Variants in AFF3 observed in about 807,000 individuals in gnomAD.
AFF3 encodes the protein AF4/FMR2 family member 3.
Under a neutral mutation model 129.7 loss-of-function variants are expected in AFF3, and 32 were observed. That is an observed-to-expected ratio of 0.25 (90% CI 0.19 to 0.33). AFF3 has a LOEUF of 0.33. Among genes scored for constraint, AFF3 ranks in the 10% least tolerant of loss-of-function variants. The pLI, the probability that AFF3 is intolerant of heterozygous loss-of-function variation, is 1.00. For missense variants in AFF3, 1,373 were observed against 1,592.0 expected (o/e 0.86, Z 2.34); for synonymous variants, 644 against 635.4 (o/e 1.01, Z -0.20).
chr2:99,767,110 C>T (rs1046941119), intron 8 of AFF3, among the ~76,000 whole-genome samples: 1 of 152,226 alleles, frequency 6.6e-6, no homozygotes, highest in African/African-American at 2.4e-5. Flanking sequence ...CACCTGTACA[C>T]TCAGGCATGC....
chr2:100,125,736 C>A (rs1692156512), intron 2 of AFF3, among the ~76,000 whole-genome samples: 1 of 152,094 alleles, frequency 6.6e-6, no homozygotes, highest in African/African-American at 2.4e-5. Context: ...GAGGAGGAGC[C>A]AGCCAAGGAA....
intron 7 of AFF3, among the ~76,000 whole-genome samples, chr2:99,860,816 G>A (rs1463029786): frequency 6.6e-6 from 1 of 152,214 alleles, no homozygotes; most frequent in East Asian, 1.9e-4. Flanking sequence ...TATATATTGT[G>A]TAAAGATGAT....
chr2:100,074,177 G>T (rs1459025730), intron 4 of AFF3, among the ~76,000 whole-genome samples: 1 of 152,176 alleles, frequency 6.6e-6, no homozygotes, highest in Non-Finnish European at 1.5e-5. Context: ...CCGATCTAAC[G>T]GAGCTCAATG....
At chr2:99,679,953 A>G (rs10205134) in intron 11 of AFF3, among the ~76,000 whole-genome samples, 90,756 of 152,098 alleles carry the variant, frequency 0.6, 27,993 homozygotes, top group African/African-American at 0.76. Context: ...TGCTAGAGAT[A>G]TAAAACTGGA....
At chr2:99,855,453 C>T (rs1558918539) in intron 7 of AFF3, among the ~76,000 whole-genome samples, 1 of 152,120 alleles carries the variant, frequency 6.6e-6, no homozygotes, top group South Asian at 2.1e-4. Context: ...AAGACAATCA[C>T]CTCAATAAAA....
intron 20 of AFF3, among the ~76,000 whole-genome samples, chr2:99,563,447 C>T (rs573919099): frequency 2.3e-3 from 344 of 151,634 alleles, no homozygotes; most frequent in Non-Finnish European, 3.8e-3. Flanking sequence ...GCCTCAGCCT[C>T]CCAAAGTGCT....
intron 7 of AFF3, among the ~76,000 whole-genome samples, chr2:99,845,345 C>T (rs888095753): frequency 6.6e-6 from 1 of 152,148 alleles, no homozygotes; most frequent in Non-Finnish European, 1.5e-5. Context: ...CGATCTGAAT[C>T]AGAGCCTATA....
chr2:99,983,880 C>T (rs1383622965), intron 7 of AFF3, among the ~76,000 whole-genome samples: 1 of 151,622 alleles, frequency 6.6e-6, no homozygotes, highest in African/African-American at 2.4e-5. Flanking sequence ...ATGTAAATAA[C>T]ATTAGTTTTA....
intron 10 of AFF3, among the ~76,000 whole-genome samples, chr2:99,737,868 A>C (rs547743803): frequency 4.9e-4 from 75 of 151,984 alleles, no homozygotes; most frequent in African/African-American, 1.6e-3. Context: ...CATTCTAGAT[A>C]ATTTCTTAAA....
chr2:99,794,665 T>C (rs1198711814), intron 8 of AFF3, among the ~76,000 whole-genome samples: 1 of 152,192 alleles, frequency 6.6e-6, no homozygotes, highest in East Asian at 1.9e-4. Context: ...GTATTCTGTC[T>C]TGCAAACTCC....
intron 7 of AFF3, among the ~76,000 whole-genome samples, chr2:99,868,672 C>T (rs1427749939): frequency 6.6e-6 from 1 of 151,992 alleles, no homozygotes; most frequent in Non-Finnish European, 1.5e-5. Context: ...ATCCTCTGAA[C>T]AATATCAAAG....
At chr2:99,765,400 C>T (rs966426368) in intron 8 of AFF3, among the ~76,000 whole-genome samples, 6 of 152,196 alleles carry the variant, frequency 3.9e-5, no homozygotes, top group African/African-American at 1.4e-4. Flanking sequence ...AATAAAACCC[C>T]TGTCGCAATT....
intron 8 of AFF3, among the ~76,000 whole-genome samples, chr2:99,809,033 G>A (rs1193886497): frequency 3.3e-5 from 5 of 152,230 alleles, no homozygotes; most frequent in Non-Finnish European, 7.3e-5. Context: ...CAATGGATAT[G>A]AATCAAAGCA....
chr2:99,756,604 C>T (rs1682120010), intron 8 of AFF3, among the ~76,000 whole-genome samples: 2 of 152,186 alleles, frequency 1.3e-5, no homozygotes, highest in South Asian at 4.1e-4. Context: ...ATTGGTTTAA[C>T]ATCAATCTTT....
chr2:99,554,513 G>A lies in AFF3; in HGVS notation c.3357C>T (p.Pro1119=). Residue 1119 remains proline (P), a synonymous_variant, in exon 24 of 25, where the codon CCC becomes CCT. Transcript: ENST00000672756. ...ASGKSTGTPS[P]MSPNPSPASS... Reference sequence around the variant, plus strand: ...TGGCGGGAGAGGGGTTGGGAGACATGGGGGATGGGGTTCCAGTGCTCCTGG... The same window carrying A: ...TGGCGGGAGAGGGGTTGGGAGACATAGGGGATGGGGTTCCAGTGCTCCTGG... 1 of 1,613,384 alleles carries A rather than the reference G, an allele frequency of 6.2e-7. No homozygotes were observed. The highest frequency in any genetic ancestry group is 1.1e-5 in the South Asian group (1 of 91,054).
At chr2:99,767,354 G>C (rs1178442332) in intron 8 of AFF3, among the ~76,000 whole-genome samples, 1 of 152,236 alleles carries the variant, frequency 6.6e-6, no homozygotes, top group Non-Finnish European at 1.5e-5. Context: ...GAAGGGCATG[G>C]ATTCTGTGTC....
intron 16 of AFF3, among the ~76,000 whole-genome samples, chr2:99,584,430 C>G (rs1487999742): frequency 6.6e-6 from 1 of 152,144 alleles, no homozygotes; most frequent in African/African-American, 2.4e-5. Context: ...GATTGCGCCA[C>G]TGCACTCCAG....
intron 13 of AFF3, among the ~76,000 whole-genome samples, chr2:99,640,944 C>T (rs1413094567): frequency 2.0e-5 from 3 of 152,128 alleles, no homozygotes; most frequent in Non-Finnish European, 4.4e-5. Flanking sequence ...ACTGCGTAAC[C>T]GAAGATCCCT....
At chr2:99,764,538 TAAA>T in intron 8 of AFF3, among the ~76,000 whole-genome samples, 1 of 152,330 alleles carries the variant, frequency 6.6e-6, no homozygotes, top group Non-Finnish European at 1.5e-5. Context: ...TTTTGAACAA[TAAA>T]AATGAAACAT....
Sources: allele counts gnomAD v4.1 joint callset (sites outside exome capture counted in the v4.1 genomes callset), GRCh38; gene constraint gnomAD v4.1.1; transcripts MANE v1.5; gene names NCBI Gene and HGNC (gene_info 2026-07-23, HGNC 2026-07-21).